The following TBC1D1 variants were observed in gnomAD, a reference collection of about 807,000 sequenced individuals.
The protein encoded by TBC1D1 is TBC1 (tre-2/USP6, BUB2, cdc16) domain family, member 1.
TBC1D1 carries 89 observed loss-of-function variants against 125.6 expected under a neutral mutation model. The observed-to-expected ratio is 0.71, with a 90% CI of 0.60 to 0.85. The LOEUF is 0.85. TBC1D1 is among the 40% of genes least tolerant of loss of function. TBC1D1 has a pLI of 0.00. For synonymous variants in TBC1D1, 565 were observed against 564.1 expected (o/e 1.00, Z -0.02); for missense variants, 1,377 against 1,469.2 (o/e 0.94, Z 1.03).
intron 2 of TBC1D1, among the ~76,000 whole-genome samples, chr4:37,959,671 C>T (rs1259514652): frequency 6.6e-6 from 1 of 152,232 alleles, no homozygotes; most frequent in African/African-American, 2.4e-5. Flanking sequence ...ATTGAAATGG[C>T]TCACTGCAAA....
chr4:38,057,830 T>C (rs115271948), intron 12 of TBC1D1, among the ~76,000 whole-genome samples: 2,008 of 152,242 alleles, frequency 0.013, 44 homozygotes, highest in African/African-American at 0.045. Flanking sequence ...ACCAGGGAGT[T>C]AGTGGGAGCC....
chr4:38,016,254 A>C (rs1262703161), intron 3 of TBC1D1, among the ~76,000 whole-genome samples: 1 of 152,216 alleles, frequency 6.6e-6, no homozygotes, highest in East Asian at 1.9e-4. Flanking sequence ...TCTTTGAGAA[A>C]GTGATTTTCA....
intron 12 of TBC1D1, among the ~76,000 whole-genome samples, chr4:38,083,287 G>C (rs1756896688): frequency 6.6e-6 from 1 of 152,188 alleles, no homozygotes; most frequent in African/African-American, 2.4e-5. Context: ...GGATTGACTA[G>C]ACCTTAAGCA....
intron 1 of TBC1D1, among the ~76,000 whole-genome samples, chr4:37,898,105 A>G (rs1715036669): frequency 6.6e-6 from 1 of 152,234 alleles, no homozygotes; most frequent in African/African-American, 2.4e-5. Flanking sequence ...TATTATACAG[A>G]AAAACACAGA....
intron 1 of TBC1D1, among the ~76,000 whole-genome samples, chr4:37,896,044 G>C (rs1714498924): frequency 1.3e-5 from 2 of 152,152 alleles, no homozygotes; most frequent in African/African-American, 4.8e-5. Flanking sequence ...CACTCCATCT[G>C]GCGTAAAGAA....
At chr4:37,928,288 A>G (rs1276780334) in intron 2 of TBC1D1, among the ~76,000 whole-genome samples, 1 of 152,256 alleles carries the variant, frequency 6.6e-6, no homozygotes, top group Non-Finnish European at 1.5e-5. Context: ...ATATGGTATT[A>G]CTTCTTCAAT....
intron 7 of TBC1D1, among the ~76,000 whole-genome samples, chr4:38,033,420 A>T (rs1009326709): frequency 9.9e-5 from 15 of 152,042 alleles, no homozygotes; most frequent in African/African-American, 3.6e-4. Flanking sequence ...TTAGGTTTAC[A>T]GGAAAATTGG....
At chr4:37,932,329 A>G (rs999736235) in intron 2 of TBC1D1, among the ~76,000 whole-genome samples, 16 of 152,318 alleles carry the variant, frequency 1.1e-4, no homozygotes, top group African/African-American at 3.8e-4. Flanking sequence ...GAAAACTAAG[A>G]ATTACCACTA....
chr4:37,912,053 T>G (rs1240322264), intron 2 of TBC1D1, among the ~76,000 whole-genome samples: 1 of 152,228 alleles, frequency 6.6e-6, no homozygotes, highest in Non-Finnish European at 1.5e-5. Context: ...TGGATGGATC[T>G]TGTCTCAGGA....
At chr4:38,121,124 T>C (rs1276424168) in intron 17 of TBC1D1, among the ~76,000 whole-genome samples, 1 of 150,882 alleles carries the variant, frequency 6.6e-6, no homozygotes, top group East Asian at 1.9e-4. Flanking sequence ...GTGTCCAGTC[T>C]GTCTGTGCTG....
chr4:37,900,368 G>A (rs535309484), intron 1 of TBC1D1, among the ~76,000 whole-genome samples: 1 of 151,482 alleles, frequency 6.6e-6, no homozygotes, highest in South Asian at 2.1e-4. Context: ...GGAAGAGAAA[G>A]AGCCATGGCC....
Position 38,051,941 on chromosome 4 carries a change from T to C in TBC1D1, c.1910+2043T>C, listed in dbSNP as rs188959191. Reference sequence around the variant, plus strand: ...TGGGTGAGTCTAAGCACCGCCCAGGTCAGTCTTCAGCTCCTGCTCCTCCAC... The same window carrying C: ...TGGGTGAGTCTAAGCACCGCCCAGGCCAGTCTTCAGCTCCTGCTCCTCCAC... On this transcript the variant is annotated intron_variant, in intron 11 of 19. Transcript: ENST00000261439. 136 of 1,550,462 alleles carry C rather than the reference T, an allele frequency of 8.8e-5. No homozygotes were observed. The African/African-American group carries it at 1.7e-3, about 19-fold the overall frequency.
chr4:38,106,301 T>C (rs1463201209), intron 15 of TBC1D1, among the ~76,000 whole-genome samples: 4 of 151,956 alleles, frequency 2.6e-5, no homozygotes, highest in Non-Finnish European at 5.9e-5. Context: ...TTGACCATGG[T>C]CACAAAGTCA....
In TBC1D1 at chr4:38,054,317, G is replaced by A. The variant is rs760954873; in HGVS notation, c.2029G>A (p.Asp677Asn). Residue 677 changes from aspartate to asparagine, a missense_variant, in exon 12 of 20, where the codon GAT (aspartate) becomes AAT (asparagine). Coordinates refer to ENST00000261439, the MANE Select transcript of TBC1D1 (RefSeq NM_015173.4). ...AGTAGCCACCCCGCAGAAGGCGTGC[G>A]ATTCTTCCAGCAGATATGAAGGTAA... The A allele has an allele frequency of 5.6e-6, 9 of 1,614,138 alleles. No individual in the cohort carries two copies. Among genetic ancestry groups the A allele is most frequent in the Admixed American group, 5.0e-5 (3 of 60,030 alleles).
chr4:38,110,978 T>A (rs927758927), intron 15 of TBC1D1, among the ~76,000 whole-genome samples: 3 of 152,148 alleles, frequency 2.0e-5, no homozygotes, highest in Non-Finnish European at 2.9e-5. Flanking sequence ...CAGTAAACAG[T>A]CTTTTGCTCA....
intron 12 of TBC1D1, among the ~76,000 whole-genome samples, chr4:38,080,366 G>A (rs543491160): frequency 7.3e-4 from 111 of 152,332 alleles, no homozygotes; most frequent in African/African-American, 2.5e-3. Flanking sequence ...ACTCCATGTG[G>A]TTACTGCCCA....
intron 2 of TBC1D1, among the ~76,000 whole-genome samples, chr4:37,939,277 T>A (rs568294647): frequency 6.6e-6 from 1 of 152,360 alleles, no homozygotes; most frequent in East Asian, 1.9e-4. Context: ...TGATGGCCAG[T>A]GATGATGAGC....
intron 1 of TBC1D1, among the ~76,000 whole-genome samples, chr4:37,898,681 T>C (rs1715162285): frequency 6.6e-6 from 1 of 152,186 alleles, no homozygotes; most frequent in African/African-American, 2.4e-5. Flanking sequence ...GTCTGGCTAC[T>C]GTGACTGCCC....
In TBC1D1 at chr4:38,054,320, T is replaced by A. The variant is rs1751275745; in HGVS notation, c.2032T>A (p.Ser678Thr). ...AGCCACCCCGCAGAAGGCGTGCGAT[T>A]CTTCCAGCAGATATGAAGGTAAGGC... The change falls in exon 12 of 20, where the codon TCT (serine) becomes ACT (threonine). Residue 678 changes from serine (S) to threonine (T), a missense_variant. Physicochemically the swap from Ser to Thr is moderately conservative, Grantham distance 58 (BLOSUM62 1). This residue lies in a region of TBC1D1 where 543 missense variants were observed against 613.5 expected (regional missense o/e 0.89). Coordinates refer to ENST00000261439, the MANE Select transcript of TBC1D1 (RefSeq NM_015173.4). 1 of 1,614,018 alleles carries A rather than the reference T, an allele frequency of 6.2e-7. No individual in the cohort carries two copies. Among genetic ancestry groups the A allele is most frequent in the Non-Finnish European group, 8.5e-7 (1 of 1,180,012 alleles).
Sources: allele counts gnomAD v4.1 joint callset (sites outside exome capture counted in the v4.1 genomes callset), GRCh38; gene constraint gnomAD v4.1.1; regional missense constraint gnomAD v4.1.1; transcripts MANE v1.5; gene names NCBI Gene and HGNC (gene_info 2026-07-23, HGNC 2026-07-21).